CDH4: variants seen among roughly 807,000 people sequenced by gnomAD.
CDH4 encodes the protein cadherin-4.
CDH4 carries 33 observed loss-of-function variants against 86.0 expected under a neutral mutation model. The observed-to-expected ratio is 0.38, with a 90% CI of 0.29 to 0.51. The LOEUF (loss-of-function observed/expected upper bound fraction) is 0.51, where lower values mean the gene tolerates loss of function less well. Ranked by LOEUF, CDH4 falls within the 20% of genes least tolerant of loss-of-function variation. The pLI is 0.86. For synonymous variants in CDH4, 555 were observed against 549.4 expected, an observed-to-expected ratio of 1.01 and a Z score of -0.14; for missense variants, 1,114 against 1,307.4, an observed-to-expected ratio of 0.85 and a Z score of 2.28.
chr20:61,643,429 G>T (rs1000003584), intron 2 of CDH4, among the ~76,000 whole-genome samples: 1 of 152,212 alleles, frequency 6.6e-6, no homozygotes, highest in Non-Finnish European at 1.5e-5. Flanking sequence ...ACCGTGTAAG[G>T]TCACAAATTC....
intron 2 of CDH4, among the ~76,000 whole-genome samples, chr20:61,433,507 T>TAA (rs11204456): frequency 1.3e-5 from 2 of 149,112 alleles, no homozygotes; most frequent in African/African-American, 2.5e-5. Flanking sequence ...ACTTGTCATG[T>TAA]AAAAAAAAAA....
chr20:61,397,628 C>G (rs1211780979), intron 2 of CDH4, among the ~76,000 whole-genome samples: 1 of 152,094 alleles, frequency 6.6e-6, no homozygotes, highest in East Asian at 1.9e-4. Flanking sequence ...AATCACATTG[C>G]ATTGTATTTT....
intron 2 of CDH4, among the ~76,000 whole-genome samples, chr20:61,685,832 C>G (rs531644053): frequency 6.6e-6 from 1 of 152,248 alleles, no homozygotes; most frequent in African/African-American, 2.4e-5. Context: ...ACACTTGATT[C>G]AAAACCTTCA....
chr20:61,353,012 G>T (rs187786231), intron 2 of CDH4, among the ~76,000 whole-genome samples: 7 of 152,162 alleles, frequency 4.6e-5, no homozygotes, highest in African/African-American at 1.7e-4. Context: ...AGGCTCTGGG[G>T]ACCCCACGGG....
chr20:61,351,897 A>C (rs1239825477), intron 2 of CDH4, among the ~76,000 whole-genome samples: 1 of 152,032 alleles, frequency 6.6e-6, no homozygotes, highest in Non-Finnish European at 1.5e-5. Flanking sequence ...TTGTATTTTT[A>C]GTAGAGACGG....
Position 61,937,032 on chromosome 20 carries a change from C to T in CDH4, c.*89C>T. 1 of 1,173,104 alleles carries T rather than the reference C, an allele frequency of 8.5e-7. No individual in the cohort carries two copies. The highest frequency in any genetic ancestry group is 1.2e-6 in the Non-Finnish European group (1 of 852,000). The allele number at this position is 1,173,104 out of a possible 1,614,324, so 72.7% of individuals were successfully genotyped here. A position where few individuals can be genotyped will look rare whatever the true frequency, so the allele number is the denominator to read the frequency against. On this transcript the variant is annotated 3_prime_UTR_variant, in exon 16 of 16. Transcript: ENST00000614565. ...CAGAGGCGGCCGGTCTTCCCGACTC[C>T]CTGCGGCTGTGTCCTTAGTGCTGTT...
intron 13 of CDH4, among the ~76,000 whole-genome samples, chr20:61,931,545 G>T (rs79046600): frequency 1.4e-4 from 22 of 152,250 alleles, no homozygotes; most frequent in Non-Finnish European, 2.1e-4. Flanking sequence ...ACCCTCTGCG[G>T]TACATAAGAG....
At chr20:61,399,759 C>G (rs2085039783) in intron 2 of CDH4, among the ~76,000 whole-genome samples, 1 of 152,192 alleles carries the variant, frequency 6.6e-6, no homozygotes, top group Non-Finnish European at 1.5e-5. Flanking sequence ...TTTTTTAGTT[C>G]CTGCTCACAT....
At chr20:61,309,129 G>A (rs769572410) in intron 2 of CDH4, among the ~76,000 whole-genome samples, 5 of 152,240 alleles carry the variant, frequency 3.3e-5, no homozygotes, top group South Asian at 2.1e-4. Context: ...GCTTCTGAGC[G>A]CGAGGCTGGC....
chr20:61,757,754 C>T (rs1416139726), intron 3 of CDH4, among the ~76,000 whole-genome samples: 1 of 152,186 alleles, frequency 6.6e-6, no homozygotes, highest in African/African-American at 2.4e-5. Flanking sequence ...TAAAAGTGGG[C>T]CATGCCGGCA....
intron 2 of CDH4, among the ~76,000 whole-genome samples, chr20:61,736,447 C>A (rs1018815140): frequency 1.3e-5 from 2 of 152,204 alleles, no homozygotes; most frequent in Non-Finnish European, 2.9e-5. Context: ...CTCACAGAAC[C>A]TGTGTCTTCC....
At chr20:61,699,095 G>C (rs1287101350) in intron 2 of CDH4, among the ~76,000 whole-genome samples, 4 of 152,264 alleles carry the variant, frequency 2.6e-5, no homozygotes, top group African/African-American at 9.6e-5. Context: ...TGACTTTTCT[G>C]TTCTCATTAC....
At chr20:61,513,914 C>A (rs1031794888) in intron 2 of CDH4, among the ~76,000 whole-genome samples, 1 of 152,164 alleles carries the variant, frequency 6.6e-6, no homozygotes, top group Non-Finnish European at 1.5e-5. Flanking sequence ...TAGAGCCAAG[C>A]GTCCACACCA....
At chr20:61,367,950 A>C (rs1460172091) in intron 2 of CDH4, among the ~76,000 whole-genome samples, 3 of 144,056 alleles carry the variant, frequency 2.1e-5, no homozygotes. Flanking sequence ...GGCTCACTGC[A>C]ACCTCTGCCT....
intron 4 of CDH4, among the ~76,000 whole-genome samples, chr20:61,828,953 C>T (rs1028652806): frequency 5.9e-5 from 9 of 152,242 alleles, no homozygotes; most frequent in African/African-American, 9.6e-5. Flanking sequence ...TCACAAGGAG[C>T]GTGCAGCCTC....
At chr20:61,895,587 C>A (rs1985067050) in intron 8 of CDH4, among the ~76,000 whole-genome samples, 1 of 152,226 alleles carries the variant, frequency 6.6e-6, no homozygotes. Context: ...ACCAAACTCT[C>A]TCTGGTGGGA....
Position 61,497,068 on chromosome 20 carries a change from G to A in CDH4, c.169+242131G>A, listed in dbSNP as rs569334746. On this transcript the variant is annotated intron_variant, in intron 2 of 15. Transcript: ENST00000614565. ...GAATAAGCCTCTTACGTTCACCATT[G>A]GCATGGTATTTTTCATATTTTGACT... is the stretch of plus-strand genomic sequence containing the variant. Among the ~76,000 whole-genome samples the A allele has an allele frequency of 2.7e-5, 4 of 149,152 alleles. No individual in the cohort carries two copies. The South Asian group carries it at 8.5e-4, about 32-fold the overall frequency.
At chr20:61,758,020 C>A (rs1181387933) in intron 3 of CDH4, among the ~76,000 whole-genome samples, 1 of 152,200 alleles carries the variant, frequency 6.6e-6, no homozygotes, top group East Asian at 1.9e-4. Context: ...ACAGAGGACG[C>A]TGCAATGTGG....
chr20:61,413,249 C>T (rs573572266), intron 2 of CDH4, among the ~76,000 whole-genome samples: 11 of 149,642 alleles, frequency 7.4e-5, no homozygotes, highest in South Asian at 6.6e-4. Context: ...TGCCTTTCAC[C>T]GCTGGCCTGG....
Sources: allele counts gnomAD v4.1 joint callset (sites outside exome capture counted in the v4.1 genomes callset), GRCh38; gene constraint gnomAD v4.1.1; transcripts MANE v1.5; gene names NCBI Gene and HGNC (gene_info 2026-07-23, HGNC 2026-07-21).